Variants in MYC observed in about 807,000 individuals in gnomAD.
MYC encodes the protein myc proto-oncogene protein.
Under a neutral mutation model 30.5 loss-of-function variants are expected in MYC, and 1 was observed. The ratio of observed to expected loss-of-function variants is 0.03; its 90% CI spans 0.01 to 0.16. The LOEUF is 0.16. MYC is among the 10% of genes least tolerant of loss of function. MYC has a pLI of 1.00. For synonymous variants in MYC, 267 were observed against 250.7 expected, an observed-to-expected ratio of 1.07 and a Z score of -0.62; for missense variants, 508 against 589.0, an observed-to-expected ratio of 0.86 and a Z score of 1.42.
rs148863193 is a variant in MYC at position 127,740,909 on chromosome 8, G to A, written c.1316G>A (p.Arg439Gln). 2.5e-6 allele frequency: 4 copies of A among 1,598,812 alleles called. No individual in the cohort carries two copies. Among genetic ancestry groups the A allele is most frequent in the African/African-American group, 1.4e-5 (1 of 73,596 alleles). ...GAAGAGGACTTGTTGCGGAAACGACGAGAACAGTTGAAACACAAACTTGAA... is the reference window on the plus strand; with the variant it reads ...GAAGAGGACTTGTTGCGGAAACGACAAGAACAGTTGAAACACAAACTTGAA... The change falls in exon 3 of 3, where the codon CGA becomes CAA. Residue 439 changes from arginine to glutamine, a missense_variant. Physicochemically the swap from Arg to Gln is conservative, Grantham distance 43 (BLOSUM62 1). This residue lies in a region of MYC where 31 missense variants were observed against 28.3 expected (regional missense o/e 1.09). Coordinates refer to ENST00000621592, the MANE Select transcript of MYC (RefSeq NM_002467.6).
At position 127,738,259 on chromosome 8, in the gene MYC, G is replaced by A. The variant is rs2130092109; in HGVS notation, c.42G>A (p.Ala14=). ...GTGCCCCGCTCCAGCAGCCTCCCGC[G>A]ACGATGCCCCTCAACGTTAGCTTCA... The change falls in exon 2 of 3, where the codon GCG becomes GCA. Residue 14 remains alanine (A), a synonymous_variant. Coordinates refer to ENST00000621592, the MANE Select transcript of MYC (RefSeq NM_002467.6). The surrounding 1 kb of genome is among the most constrained non-coding windows in gnomAD (Gnocchi z 7.6). 2 of 1,585,138 alleles carry A rather than the reference G, an allele frequency of 1.3e-6. No homozygotes were observed. The highest frequency in any genetic ancestry group is 8.6e-7 in the Non-Finnish European group (1 of 1,160,548).
chr8:127,739,591 A>G (rs1005491426), intron 2 of MYC, among the ~76,000 whole-genome samples: 1 of 139,672 alleles, frequency 7.2e-6, no homozygotes, highest in Non-Finnish European at 1.5e-5. Flanking sequence ...AATCCTTGCC[A>G]AAGTTGGACT....
chr8:127,736,521 C>T lies in MYC; in HGVS notation c.-73C>T. On this transcript the variant is annotated 5_prime_UTR_variant, in exon 1 of 3. Coordinates refer to ENST00000621592, the MANE Select transcript of MYC (RefSeq NM_002467.6). ...TCCCGACGCGGGGAGGCTATTCTGC[C>T]CATTTGGGGACACTTCCCCGCCGCT... 1.9e-6 allele frequency: 3 copies of T among 1,552,218 alleles called. No homozygotes were observed. Among genetic ancestry groups the T allele is most frequent in the Admixed American group, 1.7e-5 (1 of 58,888 alleles).
At position 127,736,382 on chromosome 8, in the gene MYC, G is replaced by T. The variant is rs1813589501; in HGVS notation, c.-212G>T. ...GCTTCGCCTCTGGCCCAGCCCTCCC[G>T]CTGATCCCCCAGCCAGCGGTCCGCA... On this transcript the variant is annotated 5_prime_UTR_variant, in exon 1 of 3. Transcript: ENST00000621592. The T allele has an allele frequency of 1.6e-6, 1 of 614,032 alleles. No individual in the cohort carries two copies. The highest frequency in any genetic ancestry group is 2.9e-6 in the Non-Finnish European group (1 of 347,540). 38.0% of individuals were successfully genotyped at this position (614,032 alleles called of 1,614,324 possible).
chr8:127,735,501 T>C (rs1813565243), upstream of MYC: 1 of 399,298 alleles, frequency 2.5e-6, no homozygotes, highest in Admixed American at 4.4e-5. Flanking sequence ...TTAATCATTC[T>C]AGGCATCGTT....
chr8:127,739,171 CT>C, intron 2 of MYC, 152 bp downstream of exon 2: 1 of 900,218 alleles, frequency 1.1e-6, no homozygotes, highest in Non-Finnish European at 1.6e-6. Context: ...AAACCTTGGG[CT>C]TTAGCGTTTC....
In MYC at chr8:127,741,365, G is replaced by A. The variant is rs568518631; in HGVS notation, c.*407G>A. The stretch of plus-strand genomic sequence containing the variant: ...ATTTAAGTACATTTTGCTTTTTAAA[G>A]TTGATTTTTTTCTATTGTTTTTAGA... On this transcript the variant is annotated 3_prime_UTR_variant, in exon 3 of 3. Transcript: ENST00000621592. 19 of 231,122 alleles carry A rather than the reference G, an allele frequency of 8.2e-5. No individual in the cohort carries two copies. The Middle Eastern group carries it at 6.6e-3, about 80-fold the overall frequency. 14.3% of individuals were successfully genotyped at this position (231,122 alleles called of 1,614,324 possible). A position where few individuals can be genotyped will look rare whatever the true frequency, so the allele number is the denominator to read the frequency against.
At chr8:127,739,303 T>A (rs1813667619) in intron 2 of MYC, among the ~76,000 whole-genome samples, 1 of 151,852 alleles carries the variant, frequency 6.6e-6, no homozygotes, top group Admixed American at 6.6e-5. Context: ...CTCAATCCAC[T>A]TCTTCTTACC....
intron 2 of MYC, among the ~76,000 whole-genome samples, chr8:127,739,823 T>A (rs573673536): frequency 5.3e-5 from 8 of 152,244 alleles, no homozygotes; most frequent in Admixed American, 5.2e-4. Flanking sequence ...AAAGCCTCAT[T>A]AAGTCTTAGG....
chr8:127,738,219 T>A lies in MYC; in HGVS notation c.31-29T>A. ...CACCAAGACCCCTTTAACTCAAGAC[T>A]GCCTCCCGCTTTGTGTGCCCCGCTC... On this transcript the variant is annotated intron_variant, in intron 1 of 2. Coordinates refer to ENST00000621592, the MANE Select transcript of MYC (RefSeq NM_002467.6). This position sits in a 1 kb window ranked among gnomAD's most constrained non-coding sequence, Gnocchi z 7.6. 6.5e-7 allele frequency: 1 copy of A among 1,549,846 alleles called. No homozygotes were observed. The highest frequency in any genetic ancestry group is 8.7e-7 in the Non-Finnish European group (1 of 1,146,636).
At position 127,740,941 on chromosome 8, in the gene MYC, C is replaced by T. The variant is rs779123478; in HGVS notation, c.1348C>T (p.Arg450Trp). Reference sequence around the variant, plus strand: ...GTTGAAACACAAACTTGAACAGCTACGGAACTCTTGTGCGTAAGGAAAAGT... The same window carrying T: ...GTTGAAACACAAACTTGAACAGCTATGGAACTCTTGTGCGTAAGGAAAAGT... Residue 450 changes from arginine to tryptophan, a missense_variant, in exon 3 of 3, where the codon CGG (arginine) becomes TGG (tryptophan). Physicochemically the swap from Arg to Trp is moderately radical, Grantham distance 101. Around this residue, in one of 5 missense-constraint regions of MYC, gnomAD observed 31 missense variants for 28.3 expected, o/e 1.09. Coordinates refer to ENST00000621592, the MANE Select transcript of MYC (RefSeq NM_002467.6). 1.2e-4 allele frequency: 189 copies of T among 1,573,618 alleles called. 1 individual carries two copies. The highest frequency in any genetic ancestry group is 1.6e-4 in the Non-Finnish European group (182 of 1,163,406).
chr8:127,736,881 C>T (rs1320989629), intron 1 of MYC, among the ~76,000 whole-genome samples: 1 of 152,156 alleles, frequency 6.6e-6, no homozygotes, highest in Non-Finnish European at 1.5e-5. Flanking sequence ...GAGATTTCTG[C>T]CTTATGAATA....
upstream of MYC, chr8:127,736,177 G>C: frequency 2.2e-6 from 1 of 462,766 alleles, no homozygotes; most frequent in Non-Finnish European, 3.8e-6. Flanking sequence ...GCGGGAAAAA[G>C]AACGGAGGGA....
chr8:127,736,602 T>G lies in MYC; in HGVS notation c.9T>G (p.Phe3Leu), dbSNP rs772459508. ...TTGCAGCTGCTTAGACGCTGGATTT[T>G]TTTCGGGTAGTGGAAAACCAGGTAA... Residue 3 changes from phenylalanine (F) to leucine (L), a missense_variant, in exon 1 of 3, where the codon TTT (phenylalanine) becomes TTG (leucine). Transcript: ENST00000621592. The G allele has an allele frequency of 7.4e-6, 12 of 1,614,218 alleles. No individual in the cohort carries two copies. In the East Asian group the frequency reaches 2.7e-4, roughly 36 times the overall value.
rs1813709862 is a variant in MYC, at chr8:127,741,388, A to G, written c.*430A>G. 1 of 227,900 alleles carries G rather than the reference A, an allele frequency of 4.4e-6. No homozygotes were observed. Among genetic ancestry groups the G allele is most frequent in the Admixed American group, 5.7e-5 (1 of 17,574 alleles). The allele number at this position is 227,900 out of a possible 1,614,324, so 14.1% of individuals were successfully genotyped here. A position where few individuals can be genotyped will look rare whatever the true frequency, so the allele number is the denominator to read the frequency against. ...AAGTTGATTTTTTTCTATTGTTTTT[A>G]GAAAAAATAAAATAACTGGCAAATA... is the stretch of plus-strand genomic sequence containing the variant. On this transcript the variant is annotated 3_prime_UTR_variant, in exon 3 of 3. Coordinates refer to ENST00000621592, the MANE Select transcript of MYC (RefSeq NM_002467.6).
rs1188205475 is a variant in MYC, at chr8:127,741,248, A to G, written c.*290A>G. Reference sequence around the variant, plus strand: ...TAAATATTGCCATTAAATGTAAATAACTTTAATAAAACGTTTATAGCAGTT... The same window carrying G: ...TAAATATTGCCATTAAATGTAAATAGCTTTAATAAAACGTTTATAGCAGTT... On this transcript the variant is annotated 3_prime_UTR_variant, in exon 3 of 3. Transcript: ENST00000621592. 1.6e-5 allele frequency: 5 copies of G among 307,466 alleles called. No individual in the cohort carries two copies. The highest frequency in any genetic ancestry group is 4.2e-5 in the African/African-American group (2 of 47,156). The allele number at this position is 307,466 out of a possible 1,614,324, so 19.0% of individuals were successfully genotyped here. A position where few individuals can be genotyped will look rare whatever the true frequency, so the allele number is the denominator to read the frequency against.
chr8:127,738,377 G>A lies in MYC; in HGVS notation c.160G>A (p.Glu54Lys), dbSNP rs770534113. ...CTTCTACCAGCAGCAGCAGCAGAGC[G>A]AGCTGCAGCCCCCGGCGCCCAGCGA... Residue 54 changes from glutamate (E) to lysine (K), a missense_variant, in exon 2 of 3, where the codon GAG becomes AAG. By Grantham distance (56) the Glu-to-Lys change is moderately conservative (BLOSUM62 1). Around this residue, in one of 5 missense-constraint regions of MYC, gnomAD observed 70 missense variants for 84.5 expected, o/e 0.83. Coordinates refer to ENST00000621592, the MANE Select transcript of MYC (RefSeq NM_002467.6). This position sits in a 1 kb window ranked among gnomAD's most constrained non-coding sequence, Gnocchi z 7.6. 6.2e-7 allele frequency: 1 copy of A among 1,613,998 alleles called. No individual in the cohort carries two copies. Among genetic ancestry groups the A allele is most frequent in the East Asian group, 2.2e-5 (1 of 44,842 alleles).
chr8:127,736,735 C>CT, intron 1 of MYC, 112 bp downstream of exon 1: 1 of 1,234,564 alleles, frequency 8.1e-7, no homozygotes, highest in Non-Finnish European at 1.2e-6. Context: ...GCTATTGACA[C>CT]TTTTCTCAGA....
In MYC at chr8:127,740,538, C is replaced by T. The variant is rs1300576669; in HGVS notation, c.945C>T (p.Cys315=). ...ACAGCCCACTGGTCCTCAAGAGGTG[C>T]CACGTCTCCACACATCAGCACAACT... Residue 315 remains cysteine (C), a synonymous_variant, in exon 3 of 3, where the codon TGC becomes TGT. Transcript: ENST00000621592. The T allele has an allele frequency of 1.2e-6, 2 of 1,614,032 alleles. No homozygotes were observed. Among genetic ancestry groups the T allele is most frequent in the Admixed American group, 3.3e-5 (2 of 60,012 alleles).
Sources: allele counts gnomAD v4.1 joint callset (sites outside exome capture counted in the v4.1 genomes callset), GRCh38; gene constraint gnomAD v4.1.1; regional missense constraint gnomAD v4.1.1; non-coding constraint Gnocchi (gnomAD v3.1); transcripts MANE v1.5; gene names NCBI Gene and HGNC (gene_info 2026-07-23, HGNC 2026-07-21).